ADGRA1: variants seen among roughly 807,000 people sequenced by gnomAD.
The protein encoded by ADGRA1 is G-protein coupled receptor 123.
In ADGRA1, 12 loss-of-function variants were observed where a neutral mutation model predicts 21.3. The ratio of observed to expected loss-of-function variants is 0.56; its 90% CI spans 0.36 to 0.91. The LOEUF (loss-of-function observed/expected upper bound fraction) is 0.91, where lower values mean the gene tolerates loss of function less well. Ranked by LOEUF, ADGRA1 falls within the 40% of genes least tolerant of loss-of-function variation. ADGRA1 has a pLI of 0.01. For missense variants in ADGRA1, 790 were observed against 805.6 expected (o/e 0.98, Z 0.23); for synonymous variants, 385 against 368.8 (o/e 1.04, Z -0.50).
At chr10:133,093,303 T>C (rs1050903717) in intron 2 of ADGRA1, 4 of 1,541,482 alleles carry the variant, frequency 2.6e-6, no homozygotes, top group Non-Finnish European at 3.5e-6. Flanking sequence ...GACCGACTGC[T>C]TCCTTCTCAT....
At chr10:133,110,110 C>T (rs1233960441) in intron 5 of ADGRA1, among the ~76,000 whole-genome samples, 1 of 152,248 alleles carries the variant, frequency 6.6e-6, no homozygotes, top group African/African-American at 2.4e-5. Flanking sequence ...GAAAAGACAT[C>T]CAGCAGGGTC....
intron 2 of ADGRA1, among the ~76,000 whole-genome samples, chr10:133,093,412 G>GGAA (rs2135864863): frequency 6.6e-6 from 1 of 152,366 alleles, no homozygotes; most frequent in Admixed American, 6.5e-5. Flanking sequence ...AAACAGAGGA[G>GGAA]GAAGTTATGA....
At chr10:133,100,126 T>C (rs1309073941) in intron 4 of ADGRA1, among the ~76,000 whole-genome samples, 2 of 152,234 alleles carry the variant, frequency 1.3e-5, no homozygotes, top group African/African-American at 2.4e-5. Context: ...GTCATGTCTG[T>C]GTGACCACAC....
intron 5 of ADGRA1, among the ~76,000 whole-genome samples, chr10:133,107,631 A>G (rs7093694): frequency 0.63 from 95,742 of 152,070 alleles, 30,771 homozygotes; most frequent in African/African-American, 0.76. Context: ...GGATGTTCAC[A>G]GCTATGAATT....
At chr10:133,096,102 C>T (rs1381430972) in intron 2 of ADGRA1, among the ~76,000 whole-genome samples, 6 of 152,254 alleles carry the variant, frequency 3.9e-5, no homozygotes, top group Admixed American at 1.3e-4. Context: ...CCCTGAAGCA[C>T]AGACATGTTT....
intron 4 of ADGRA1, among the ~76,000 whole-genome samples, chr10:133,100,844 G>A (rs527661403): frequency 4.1e-4 from 62 of 152,346 alleles, no homozygotes; most frequent in South Asian, 1.4e-3. Context: ...AAAATGAACC[G>A]TGGGAGCATT....
In ADGRA1 at chr10:133,129,723, A is replaced by ATCACACCCCTGCCCCTTCCTTGTGTTCAC; in HGVS notation, c.*212_*213insTCACACCCCTGCCCCTTCCTTGTGTTCAC. The ATCACACCCCTGCCCCTTCCTTGTGTTCAC allele has an allele frequency of 4.5e-6, 2 of 443,290 alleles. No individual in the cohort carries two copies. The highest frequency in any genetic ancestry group is 3.1e-5 in the South Asian group (1 of 32,530). The allele number at this position is 443,290 out of a possible 1,614,324, so 27.5% of individuals were successfully genotyped here. On this transcript the variant is annotated 3_prime_UTR_variant, in exon 7 of 7. Transcript: ENST00000392607. ...ATCACACCCCTGCCCCTTCCTTGTGAAAGACCTCAGCGGGGAAACGCTCCG... is the reference window on the plus strand; with the variant it reads ...ATCACACCCCTGCCCCTTCCTTGTGATCACACCCCTGCCCCTTCCTTGTGTTCACAAGACCTCAGCGGGGAAACGCTCCG...
intron 5 of ADGRA1, among the ~76,000 whole-genome samples, chr10:133,104,487 G>A (rs887842590): frequency 6.6e-6 from 1 of 152,174 alleles, no homozygotes; most frequent in African/African-American, 2.4e-5. Context: ...GTGCTGGGGG[G>A]CCAGCGGGCC....
At chr10:133,110,147 T>C (rs1054143710) in intron 5 of ADGRA1, among the ~76,000 whole-genome samples, 12 of 152,236 alleles carry the variant, frequency 7.9e-5, no homozygotes, top group African/African-American at 2.9e-4. Flanking sequence ...GTCTCCAAAG[T>C]TCTCCTGTCC....
rs566287432 is a variant in ADGRA1, at chr10:133,122,218, A to T, written c.402-5015A>T. 5.5e-4 allele frequency among the ~76,000 whole-genome samples: 83 copies of T among 152,278 alleles called. 1 individual carries two copies. The highest frequency in any genetic ancestry group is 1.9e-3 in the African/African-American group (80 of 41,552). ...GCCCTGGGTGGCACCTGGGCCCAGG[A>T]CCTTTTCGCTCAGGCTGTGATGGTG... On this transcript the variant is annotated intron_variant, in intron 5 of 6. Transcript: ENST00000392607.
At position 133,098,580 on chromosome 10, in the gene ADGRA1, T is replaced by G. The variant is rs566585479; in HGVS notation, c.132-60T>G. 5 of 1,560,358 alleles carry G rather than the reference T, an allele frequency of 3.2e-6. No individual in the cohort carries two copies. In the African/African-American group the frequency reaches 6.8e-5, roughly 21 times the overall value. The stretch of plus-strand genomic sequence containing the variant: ...AGAGCCTGCGCCCCAGGGGGCTCCC[T>G]TCCACGCCTCCCCCTGCAGAGCCTC... On this transcript the variant is annotated intron_variant, in intron 3 of 6. Transcript: ENST00000392607.
intron 5 of ADGRA1, among the ~76,000 whole-genome samples, chr10:133,119,071 C>T (rs924548182): frequency 3.9e-5 from 6 of 152,164 alleles, no homozygotes; most frequent in African/African-American, 1.4e-4. Flanking sequence ...ACACTGCACA[C>T]ACACACGCAC....
Position 133,107,873 on chromosome 10 carries a change from A to G in ADGRA1, c.401+5031A>G, listed in dbSNP as rs141850629. 4.3e-3 allele frequency among the ~76,000 whole-genome samples: 655 copies of G among 152,308 alleles called. 5 individuals carry two copies. Among genetic ancestry groups the G allele is most frequent in the African/African-American group, 0.014 (593 of 41,570 alleles). ...GTCAAGCTGAATGAAGGGAGTCCCC[A>G]CTTGATCAATGCAGTGTGGTTTTGG... On this transcript the variant is annotated intron_variant, in intron 5 of 6. Coordinates refer to ENST00000392607, the MANE Select transcript of ADGRA1 (RefSeq NM_001083909.3).
chr10:133,121,674 A>G (rs1213866674), intron 5 of ADGRA1, among the ~76,000 whole-genome samples: 47 of 80,680 alleles, frequency 5.8e-4, no homozygotes, highest in African/African-American at 8.9e-4. Flanking sequence ...GCCAGTGTGC[A>G]TGTGTGCATG....
chr10:133,128,206 C>A, intron 6 of ADGRA1, 123 bp from the exon 7 acceptor site: 2 of 678,322 alleles, frequency 2.9e-6, no homozygotes, highest in Non-Finnish European at 4.6e-6. Flanking sequence ...CCAAGGCCCC[C>A]AAGCCGCAGC....
chr10:133,088,110 C>CGGGG lies in ADGRA1; in HGVS notation c.-230_-229insGGGG, dbSNP rs1851532545. On this transcript the variant is annotated 5_prime_UTR_variant, in exon 1 of 7. It removes the in-frame stop codon of an upstream open reading frame in the 5' UTR. Transcript: ENST00000392607. The stretch of plus-strand genomic sequence containing the variant: ...TCTGTCTCCGGGAGCGCGGCCCGGC[C>CGGGG]GCCCCGGCAGCCGCTTCGGCCACAG... The CGGGG allele has an allele frequency of 1.0e-6, 1 of 984,910 alleles. No homozygotes were observed. The highest frequency in any genetic ancestry group is 1.2e-6 in the Non-Finnish European group (1 of 829,716). 61.0% of individuals were successfully genotyped at this position (984,910 alleles called of 1,614,324 possible).
In ADGRA1 at chr10:133,128,794, G is replaced by A. The variant is rs761942826; in HGVS notation, c.966G>A (p.Pro322=). The part of the protein sequence containing the change: ...DVWQCWWACC[P]PRKDAHPALD... Reference sequence around the variant, plus strand: ...GGCAGTGCTGGTGGGCATGCTGCCCGCCCCGCAAGGACGCCCACCCCGCAC... The same window carrying A: ...GGCAGTGCTGGTGGGCATGCTGCCCACCCCGCAAGGACGCCCACCCCGCAC... Residue 322 remains proline (P), a synonymous_variant, in exon 7 of 7, where the codon CCG becomes CCA. Coordinates refer to ENST00000392607, the MANE Select transcript of ADGRA1 (RefSeq NM_001083909.3). 166 of 1,608,854 alleles carry A rather than the reference G, an allele frequency of 1.0e-4. No individual in the cohort carries two copies. The highest frequency in any genetic ancestry group is 1.6e-4 in the Middle Eastern group (1 of 6,072).
chr10:133,117,463 G>T (rs926304408), intron 5 of ADGRA1, among the ~76,000 whole-genome samples: 1 of 152,226 alleles, frequency 6.6e-6, no homozygotes, highest in African/African-American at 2.4e-5. Context: ...CCCCTGGGAG[G>T]TCCGGTGCAC....
rs1228175348 is a variant in ADGRA1 at position 133,112,022 on chromosome 10, C to T, written c.401+9180C>T. On this transcript the variant is annotated intron_variant, in intron 5 of 6. Coordinates refer to ENST00000392607, the MANE Select transcript of ADGRA1 (RefSeq NM_001083909.3). The stretch of plus-strand genomic sequence containing the variant: ...CCAGACCACCTGCCCACCACAGACA[C>T]CTCCCTCCTAATGCCTCCAGACCAC... 6.2e-5 allele frequency among the ~76,000 whole-genome samples: 8 copies of T among 129,092 alleles called. 3 individuals carry two copies. Among genetic ancestry groups the T allele is most frequent in the African/African-American group, 1.2e-4 (4 of 32,224 alleles). The allele number at this position is 129,092 out of a possible 152,430, so 84.7% of individuals were successfully genotyped here.
Sources: allele counts gnomAD v4.1 joint callset (sites outside exome capture counted in the v4.1 genomes callset), GRCh38; gene constraint gnomAD v4.1.1; transcripts MANE v1.5; gene names NCBI Gene and HGNC (gene_info 2026-07-23, HGNC 2026-07-21).